ADAT1: variants seen among roughly 807,000 people sequenced by gnomAD.
ADAT1 encodes the protein tRNA-specific adenosine deaminase 1.
In ADAT1, 58 loss-of-function variants were observed where a neutral mutation model predicts 58.6. That is an observed-to-expected ratio of 0.99 (90% CI 0.80 to 1.23). ADAT1 has a LOEUF of 1.23. Among genes scored for constraint, ADAT1 ranks in the 50% most tolerant of loss-of-function variants. ADAT1 has a pLI of 0.00. For synonymous variants in ADAT1, 254 were observed against 220.8 expected, an observed-to-expected ratio of 1.15 and a Z score of -1.33; for missense variants, 741 against 608.6, an observed-to-expected ratio of 1.22 and a Z score of -2.29.
intron 4 of ADAT1, among the ~76,000 whole-genome samples, chr16:75,617,861 G>A (rs1271738799): frequency 3.3e-5 from 5 of 150,440 alleles, no homozygotes; most frequent in Non-Finnish European, 5.9e-5. Flanking sequence ...TGAGGCAGGA[G>A]GATCGCTTGA....
intron 3 of ADAT1, among the ~76,000 whole-genome samples, chr16:75,618,913 C>T (rs566124788): frequency 6.6e-6 from 1 of 152,260 alleles, no homozygotes; most frequent in Non-Finnish European, 1.5e-5. Context: ...TATTCCTGGC[C>T]TCTACCCATG....
At chr16:75,607,824 G>C (rs976473799) in intron 8 of ADAT1, among the ~76,000 whole-genome samples, 1 of 152,310 alleles carries the variant, frequency 6.6e-6, no homozygotes, top group South Asian at 2.1e-4. Flanking sequence ...TAGCCAAAGA[G>C]TGAAACAACC....
chr16:75,607,264 G>T (rs1374642894), intron 8 of ADAT1, among the ~76,000 whole-genome samples: 1 of 152,072 alleles, frequency 6.6e-6, no homozygotes, highest in East Asian at 1.9e-4. Context: ...AGCATTTTGG[G>T]AGGTTGAGGC....
intron 4 of ADAT1, among the ~76,000 whole-genome samples, chr16:75,617,902 C>T (rs1262620314): frequency 2.1e-5 from 3 of 143,390 alleles, no homozygotes; most frequent in South Asian, 2.2e-4. Flanking sequence ...GCCTGGGTAG[C>T]ATAGTGACAC....
chr16:75,617,190 T>G lies in ADAT1; in HGVS notation c.376A>C (p.Lys126Gln). The G allele has an allele frequency of 6.2e-7, 1 of 1,614,058 alleles. No homozygotes were observed. The highest frequency in any genetic ancestry group is 8.5e-7 in the Non-Finnish European group (1 of 1,179,896). ...FVPGTQKGVWKLRRDLIFVFF... is the reference protein window; with the variant it reads ...FVPGTQKGVWQLRRDLIFVFF... Reference sequence around the variant, plus strand: ...ACAAAAATGAGGTCTCGTCTAAGTTTCCACACTCCTTTTTGAGTTCCTGGG... The same window carrying G: ...ACAAAAATGAGGTCTCGTCTAAGTTGCCACACTCCTTTTTGAGTTCCTGGG... Residue 126 changes from lysine to glutamine, a missense_variant, in exon 5 of 10, where the codon AAA becomes CAA. Coordinates refer to ENST00000564657, the MANE Select transcript of ADAT1 (RefSeq NM_001324445.2).
chr16:75,607,431 G>T (rs1406646521), intron 8 of ADAT1, among the ~76,000 whole-genome samples: 1 of 151,764 alleles, frequency 6.6e-6, no homozygotes, highest in South Asian at 2.1e-4. Context: ...GAACCCCAGG[G>T]GCGGAGGTTG....
chr16:75,607,346 T>C (rs1466328078), intron 8 of ADAT1, among the ~76,000 whole-genome samples: 11 of 151,784 alleles, frequency 7.2e-5, no homozygotes, highest in Admixed American at 6.6e-4. Flanking sequence ...CTACTAAAAA[T>C]ACAAGAATTA....
intron 3 of ADAT1, 197 bp from the exon 4 acceptor site, chr16:75,618,837 G>A (rs2081835111): frequency 3.6e-6 from 2 of 555,306 alleles, no homozygotes; most frequent in Non-Finnish European, 6.1e-6. Context: ...TAGACATTTT[G>A]GGCCAGAAAA....
At position 75,597,348 on chromosome 16, in the gene ADAT1, T is replaced by G. The variant is rs1398376699; in HGVS notation, c.*2868A>C. 2.2e-6 allele frequency: 1 copy of G among 449,400 alleles called. No individual in the cohort carries two copies. The highest frequency in any genetic ancestry group is 7.0e-5 in the East Asian group (1 of 14,192). The allele number at this position is 449,400 out of a possible 1,614,324, so 27.8% of individuals were successfully genotyped here. On this transcript the variant is annotated 3_prime_UTR_variant, in exon 10 of 10. Coordinates refer to ENST00000564657, the MANE Select transcript of ADAT1 (RefSeq NM_001324445.2). ...GTGAAGACGGAGGGAGAAACTGAAGTGATGCAGCCACAAGCCAAGGACTGC... is the reference window on the plus strand; with the variant it reads ...GTGAAGACGGAGGGAGAAACTGAAGGGATGCAGCCACAAGCCAAGGACTGC...
chr16:75,609,071 C>T (rs1485773770), intron 6 of ADAT1, 83 bp from the exon 7 acceptor site: 13 of 1,510,672 alleles, frequency 8.6e-6, no homozygotes, highest in Non-Finnish European at 1.2e-5. Flanking sequence ...ATCATCACCC[C>T]TGAGCCTTAG....
Position 75,608,283 on chromosome 16 carries a change from A to G in ADAT1, c.1230T>C (p.Val410=). 1.9e-6 allele frequency: 3 copies of G among 1,614,132 alleles called. No individual in the cohort carries two copies. Among genetic ancestry groups the G allele is most frequent in the Non-Finnish European group, 2.5e-6 (3 of 1,179,996 alleles). ...WSAVPEQPLD[V]TANGFPQGTT... ...TTCCCTGTGGAAAGCCATTGGCAGT[A>G]ACATCCAAAGGCTGCTCAGGAACTG... Residue 410 remains valine (V), a synonymous_variant, in exon 8 of 10, where the codon GTT becomes GTC. Coordinates refer to ENST00000564657, the MANE Select transcript of ADAT1 (RefSeq NM_001324445.2).
Position 75,601,586 on chromosome 16 carries a change from G to A in ADAT1, c.1377-1238C>T, listed in dbSNP as rs566805382. On this transcript the variant is annotated intron_variant, in intron 9 of 9. Transcript: ENST00000564657. ...AGCCTGGTCAATATGGTGAAACCCC[G>A]TCCCTACTAACTATACCAAAAATTA... is the stretch of plus-strand genomic sequence containing the variant. 1.1e-4 allele frequency among the ~76,000 whole-genome samples: 17 copies of A among 151,216 alleles called. No individual in the cohort carries two copies. The South Asian group carries it at 2.5e-3, about 22-fold the overall frequency.
At chr16:75,617,342 T>A in intron 4 of ADAT1, 70 bp from the exon 5 acceptor site, 4 of 1,555,660 alleles carry the variant, frequency 2.6e-6, no homozygotes, top group Non-Finnish European at 3.5e-6. Context: ...TCTGGTTGGG[T>A]GATTACTAAG....
At position 75,609,646 on chromosome 16, in the gene ADAT1, C is replaced by T. The variant is rs555410184; in HGVS notation, c.1044-658G>A. Reference sequence around the variant, plus strand: ...ATGGTAATGTAATTTAAGGAATTTTCATCACCCCAGAAAGAAACCTCGTAC... The same window carrying T: ...ATGGTAATGTAATTTAAGGAATTTTTATCACCCCAGAAAGAAACCTCGTAC... On this transcript the variant is annotated intron_variant, in intron 6 of 9. Transcript: ENST00000564657. Among the ~76,000 whole-genome samples the T allele has an allele frequency of 4.6e-5, 7 of 152,194 alleles. No homozygotes were observed. In the South Asian group the frequency reaches 1.2e-3, roughly 27 times the overall value.
intron 1 of ADAT1, 140 bp downstream of exon 1, chr16:75,622,262 CT>C (rs1240444332): frequency 6.6e-6 from 1 of 152,148 alleles, no homozygotes; most frequent in Non-Finnish European, 1.5e-5. Flanking sequence ...GTGAATGCTA[CT>C]GGTAAATCAG....
intron 5 of ADAT1, among the ~76,000 whole-genome samples, chr16:75,615,810 C>G (rs2081692462): frequency 6.6e-6 from 1 of 152,170 alleles, no homozygotes; most frequent in African/African-American, 2.4e-5. Context: ...CCTAATGAAT[C>G]TCAATCTGCA....
intron 8 of ADAT1, among the ~76,000 whole-genome samples, chr16:75,607,571 C>T (rs1056975115): frequency 2.7e-5 from 4 of 149,796 alleles, no homozygotes; most frequent in Non-Finnish European, 5.9e-5. Context: ...ATAAAAAAGA[C>T]AATAACAAGT....
At chr16:75,604,326 A>T (rs1331586330) in intron 8 of ADAT1, among the ~76,000 whole-genome samples, 1 of 148,096 alleles carries the variant, frequency 6.8e-6, no homozygotes, top group South Asian at 2.2e-4. Flanking sequence ...CCAGCTACTC[A>T]GGAGGCTGAA....
chr16:75,620,558 C>G (rs1430342390), intron 2 of ADAT1, 73 bp downstream of exon 2: 4 of 1,553,908 alleles, frequency 2.6e-6, no homozygotes, highest in Non-Finnish European at 3.5e-6. Context: ...CACGACTGTA[C>G]CCTCACAGTA....
Sources: allele counts gnomAD v4.1 joint callset (sites outside exome capture counted in the v4.1 genomes callset), GRCh38; gene constraint gnomAD v4.1.1; transcripts MANE v1.5; gene names NCBI Gene and HGNC (gene_info 2026-07-23, HGNC 2026-07-21).